Variants in OLFML2A observed in about 807,000 individuals in gnomAD.
OLFML2A encodes olfactomedin like 2A.
Under a neutral mutation model 60.9 loss-of-function variants are expected in OLFML2A, and 47 were observed. The observed-to-expected ratio is 0.77, with a 90% CI of 0.61 to 0.98. The LOEUF is 0.98. Ranked by LOEUF, OLFML2A falls within the 50% of genes least tolerant of loss-of-function variation. The pLI is 0.00. For synonymous variants in OLFML2A, 372 were observed against 375.0 expected, an observed-to-expected ratio of 0.99 and a Z score of 0.09; for missense variants, 922 against 879.8, an observed-to-expected ratio of 1.05 and a Z score of -0.61.
Position 124,787,107 on chromosome 9 carries a change from T to C in OLFML2A, c.223T>C (p.Tyr75His), listed in dbSNP as rs1564282229. 3 of 1,614,118 alleles carry C rather than the reference T, an allele frequency of 1.9e-6. No individual in the cohort carries two copies. Among genetic ancestry groups the C allele is most frequent in the Non-Finnish European group, 2.5e-6 (3 of 1,180,052 alleles). ...TGGGCGGGCACGCGTGGAGGACTTCTACACGGTGGAGACTGTGAGCTCGGG... is the reference window on the plus strand; with the variant it reads ...TGGGCGGGCACGCGTGGAGGACTTCCACACGGTGGAGACTGTGAGCTCGGG... ...RSGRARVEDF[Y>H]TVETVSSGTD... The change falls in exon 2 of 8, where the codon TAC becomes CAC. Residue 75 changes from tyrosine (Y) to histidine (H), a missense_variant. Coordinates refer to ENST00000373580, the MANE Select transcript of OLFML2A (RefSeq NM_182487.4).
chr9:124,804,541 T>C (rs1453549734), intron 6 of OLFML2A, among the ~76,000 whole-genome samples, 199 bp downstream of exon 6: 2 of 151,764 alleles, frequency 1.3e-5, no homozygotes, highest in Non-Finnish European at 2.9e-5. Flanking sequence ...CTGGCCAACA[T>C]GGAAAAACCC....
rs1346271954 is a variant in OLFML2A at position 124,787,010 on chromosome 9, G to A, written c.126G>A (p.Ser42=). 1 of 1,613,720 alleles carries A rather than the reference G, an allele frequency of 6.2e-7. No homozygotes were observed. The highest frequency in any genetic ancestry group is 8.5e-7 in the Non-Finnish European group (1 of 1,179,876). ...FGDLDQVRMT[S]EGSDCRCKCI... ...ACCTGGACCAGGTGAGGATGACCTC[G>A]GAGGGCTCCGACTGCCGTTGCAAGT... is the stretch of plus-strand genomic sequence containing the variant. The change falls in exon 2 of 8, where the codon TCG becomes TCA. Residue 42 remains serine, a synonymous_variant. Coordinates refer to ENST00000373580, the MANE Select transcript of OLFML2A (RefSeq NM_182487.4).
In OLFML2A at chr9:124,777,330, G is replaced by A. The variant is rs745637552; in HGVS notation, c.60G>A (p.Leu20=). 32 of 1,294,588 alleles carry A rather than the reference G, an allele frequency of 2.5e-5. No homozygotes were observed. The Admixed American group carries it at 9.5e-4, about 38-fold the overall frequency. 80.2% of individuals were successfully genotyped at this position (1,294,588 alleles called of 1,614,324 possible). ...PLLLLPLVLL[L]SGRPTRADSK... The stretch of plus-strand genomic sequence containing the variant: ...TCCTTCTGCCGCTAGTGCTGCTGCT[G>A]AGCGGCCGCCCCACGCGCGCCGACA... Residue 20 remains leucine (L), a synonymous_variant, in exon 1 of 8, where the codon CTG becomes CTA. Coordinates refer to ENST00000373580, the MANE Select transcript of OLFML2A (RefSeq NM_182487.4). The surrounding 1 kb of genome is among the most constrained non-coding windows in gnomAD (Gnocchi z 6.2).
At chr9:124,790,310 C>T (rs60359464) in intron 2 of OLFML2A, among the ~76,000 whole-genome samples, 3,088 of 152,184 alleles carry the variant, frequency 0.02, 97 homozygotes, top group African/African-American at 0.067. Flanking sequence ...GCTGGGATTA[C>T]AGGCGTTCGC....
intron 1 of OLFML2A, among the ~76,000 whole-genome samples, chr9:124,786,757 C>T (rs1203978667): frequency 9.4e-6 from 1 of 106,584 alleles, no homozygotes; most frequent in Non-Finnish European, 1.7e-5. Context: ...TAGACACACA[C>T]ACACACACAC....
At chr9:124,784,636 A>G (rs1841424006) in intron 1 of OLFML2A, among the ~76,000 whole-genome samples, 4 of 152,236 alleles carry the variant, frequency 2.6e-5, no homozygotes, top group Admixed American at 2.6e-4. Context: ...CTTCAGTGGC[A>G]TTTGGTACAT....
intron 1 of OLFML2A, among the ~76,000 whole-genome samples, chr9:124,778,655 G>C (rs1841304695): frequency 6.6e-6 from 1 of 152,042 alleles, no homozygotes; most frequent in African/African-American, 2.4e-5. Flanking sequence ...AAATTAGCCA[G>C]GTGTGGTGGT....
chr9:124,810,503 T>A lies in OLFML2A; in HGVS notation c.*91T>A, dbSNP rs148536738. 23 of 1,324,928 alleles carry A rather than the reference T, an allele frequency of 1.7e-5. No homozygotes were observed. In the East Asian group the frequency reaches 5.3e-4, roughly 30 times the overall value. 82.1% of individuals were successfully genotyped at this position (1,324,928 alleles called of 1,614,324 possible). A position where few individuals can be genotyped will look rare whatever the true frequency, so the allele number is the denominator to read the frequency against. On this transcript the variant is annotated 3_prime_UTR_variant, in exon 8 of 8. Coordinates refer to ENST00000373580, the MANE Select transcript of OLFML2A (RefSeq NM_182487.4). ...AACTGACCCAGTCCGCAAATATTTA[T>A]TGGGGGCCAGCCCAGGGCTGGGACT...
Position 124,814,019 on chromosome 9 carries a change from C to T in OLFML2A, c.*3607C>T, listed in dbSNP as rs890944640. On this transcript the variant is annotated 3_prime_UTR_variant, in exon 8 of 8. Coordinates refer to ENST00000373580, the MANE Select transcript of OLFML2A (RefSeq NM_182487.4). ...GCAAAGGAAGCTGTCTCGGGTGTTT[C>T]TGAACAACGTGACTCATGAGGGGCT... The T allele has an allele frequency of 3.9e-5, 6 of 152,290 alleles. No homozygotes were observed. The highest frequency in any genetic ancestry group is 1.4e-4 in the African/African-American group (6 of 41,458). 9.4% of individuals were successfully genotyped at this position (152,290 alleles called of 1,614,324 possible). A position where few individuals can be genotyped will look rare whatever the true frequency, so the allele number is the denominator to read the frequency against.
chr9:124,787,271 G>T (rs1438881787), intron 2 of OLFML2A, 33 bp downstream of exon 2: 1 of 1,598,788 alleles, frequency 6.3e-7, no homozygotes. Context: ...GGGAGTAAGG[G>T]CCTATCATGA....
chr9:124,789,084 C>T (rs1167822931), intron 2 of OLFML2A, among the ~76,000 whole-genome samples: 1 of 152,158 alleles, frequency 6.6e-6, no homozygotes, highest in South Asian at 2.1e-4. Context: ...TGCACACCCC[C>T]AGGCTCAGCT....
Position 124,787,002 on chromosome 9 carries a change from A to G in OLFML2A, c.118A>G (p.Met40Val), listed in dbSNP as rs1404239620. ...GTTTGGGGACCTGGACCAGGTGAGG[A>G]TGACCTCGGAGGGCTCCGACTGCCG... ...KVFGDLDQVRMTSEGSDCRCK... is the reference protein window; with the variant it reads ...KVFGDLDQVRVTSEGSDCRCK... The change falls in exon 2 of 8, where the codon ATG becomes GTG. Residue 40 changes from methionine (M) to valine (V), a missense_variant. By Grantham distance (21) the Met-to-Val change is conservative. Transcript: ENST00000373580. 1 of 1,612,928 alleles carries G rather than the reference A, an allele frequency of 6.2e-7. No individual in the cohort carries two copies.
At position 124,787,041 on chromosome 9, in the gene OLFML2A, A is replaced by G; in HGVS notation, c.157A>G (p.Met53Val). ...EGSDCRCKCI[M>V]RPLSKDACSR... ...CTCCGACTGCCGTTGCAAGTGCATCATGCGGCCCCTGAGCAAGGACGCGTG... is the reference window on the plus strand; with the variant it reads ...CTCCGACTGCCGTTGCAAGTGCATCGTGCGGCCCCTGAGCAAGGACGCGTG... Residue 53 changes from methionine to valine, a missense_variant, in exon 2 of 8, where the codon ATG becomes GTG. Coordinates refer to ENST00000373580, the MANE Select transcript of OLFML2A (RefSeq NM_182487.4). The G allele has an allele frequency of 6.2e-7, 1 of 1,614,028 alleles. No individual in the cohort carries two copies. The highest frequency in any genetic ancestry group is 8.5e-7 in the Non-Finnish European group (1 of 1,180,002).
In OLFML2A at chr9:124,812,224, G is replaced by C. The variant is rs1164520406; in HGVS notation, c.*1812G>C. The C allele has an allele frequency of 1.3e-5, 2 of 150,936 alleles. No individual in the cohort carries two copies. The highest frequency in any genetic ancestry group is 2.9e-5 in the Non-Finnish European group (2 of 68,122). The allele number at this position is 150,936 out of a possible 1,614,324, so 9.3% of individuals were successfully genotyped here. A position where few individuals can be genotyped will look rare whatever the true frequency, so the allele number is the denominator to read the frequency against. On this transcript the variant is annotated 3_prime_UTR_variant, in exon 8 of 8. Coordinates refer to ENST00000373580, the MANE Select transcript of OLFML2A (RefSeq NM_182487.4). ...CGCCCAGGCTGGAGTGCAGTGGCGC[G>C]ATCTCGGCTCACTGCAACCTCTGCC...
intron 3 of OLFML2A, among the ~76,000 whole-genome samples, chr9:124,796,238 C>T (rs1419018244): frequency 6.6e-6 from 1 of 152,232 alleles, no homozygotes; most frequent in Non-Finnish European, 1.5e-5. Context: ...TTGGTATGTA[C>T]CTACTATTGG....
In OLFML2A at chr9:124,807,773, C is replaced by T. The variant is rs1479654987; in HGVS notation, c.1169-8C>T. The stretch of plus-strand genomic sequence containing the variant: ...GTGTACCGATGCTGCCTGCCCTCCT[C>T]CCCACAGGCAGAGAGGCGAGCTGTG... On this transcript the variant is annotated splice_region_variant and splice_polypyrimidine_tract_variant and intron_variant, in intron 6 of 7. Transcript: ENST00000373580. 9 of 1,606,252 alleles carry T rather than the reference C, an allele frequency of 5.6e-6. No homozygotes were observed. In the East Asian group the frequency reaches 1.8e-4, roughly 32 times the overall value.
At position 124,807,473 on chromosome 9, in the gene OLFML2A, G is replaced by A. The variant is rs750972484; in HGVS notation, c.1169-308G>A. 1.3e-4 allele frequency among the ~76,000 whole-genome samples: 20 copies of A among 151,610 alleles called. No individual in the cohort carries two copies. In the East Asian group the frequency reaches 2.6e-3, roughly 19 times the overall value. Reference sequence around the variant, plus strand: ...TAATTTTTGTATTTTTAGTAGAGACGGGTTTCACCATGTTGCCCGGGCTGG... The same window carrying A: ...TAATTTTTGTATTTTTAGTAGAGACAGGTTTCACCATGTTGCCCGGGCTGG... On this transcript the variant is annotated intron_variant, in intron 6 of 7. Transcript: ENST00000373580.
At chr9:124,806,448 T>G (rs1841898225) in intron 6 of OLFML2A, among the ~76,000 whole-genome samples, 1 of 152,072 alleles carries the variant, frequency 6.6e-6, no homozygotes, top group African/African-American at 2.4e-5. Context: ...CAATCAAAAT[T>G]CAAGTATACA....
intron 3 of OLFML2A, among the ~76,000 whole-genome samples, chr9:124,795,795 G>GC (rs1354094214): frequency 1.3e-5 from 2 of 152,060 alleles, no homozygotes; most frequent in Admixed American, 6.6e-5. Flanking sequence ...TTGTCGGAGT[G>GC]CCCCCCCTGG....
Sources: allele counts gnomAD v4.1 joint callset (sites outside exome capture counted in the v4.1 genomes callset), GRCh38; gene constraint gnomAD v4.1.1; non-coding constraint Gnocchi (gnomAD v3.1); transcripts MANE v1.5; gene names NCBI Gene and HGNC (gene_info 2026-07-23, HGNC 2026-07-21).